The following PTPRN2 variants were observed in gnomAD, a reference collection of about 807,000 sequenced individuals.
PTPRN2 encodes protein tyrosine phosphatase receptor type N2.
PTPRN2 carries 74 observed loss-of-function variants against 118.8 expected under a neutral mutation model. The observed-to-expected ratio is 0.62, with a 90% CI of 0.52 to 0.76. The LOEUF (loss-of-function observed/expected upper bound fraction) is 0.76. Among genes scored for constraint, PTPRN2 ranks in the 30% least tolerant of loss-of-function variants. The pLI is 0.00. For synonymous variants in PTPRN2, 641 were observed against 608.0 expected, an observed-to-expected ratio of 1.05 and a Z score of -0.80; for missense variants, 1,481 against 1,394.4, an observed-to-expected ratio of 1.06 and a Z score of -0.99.
At chr7:157,695,040 T>C (rs71538043) in intron 12 of PTPRN2, among the ~76,000 whole-genome samples, 24,442 of 152,100 alleles carry the variant, frequency 0.16, 2,393 homozygotes, top group Non-Finnish European at 0.22. Context: ...AAATGATTTG[T>C]TGATCCTGCC....
At chr7:158,154,627 T>C (rs186539176) in intron 6 of PTPRN2, among the ~76,000 whole-genome samples, 36 of 152,328 alleles carry the variant, frequency 2.4e-4, no homozygotes, top group African/African-American at 8.4e-4. Flanking sequence ...AGTGGGCCTC[T>C]TAGAATCACT....
At chr7:158,335,372 A>G (rs1239450550) in intron 2 of PTPRN2, among the ~76,000 whole-genome samples, 4 of 15,890 alleles carry the variant, frequency 2.5e-4, no homozygotes, top group Admixed American at 6.3e-4. Flanking sequence ...TCACACCCAT[A>G]CTCTCACCAT....
chr7:158,043,561 AG>A (rs1198852518), intron 11 of PTPRN2, among the ~76,000 whole-genome samples: 2 of 152,252 alleles, frequency 1.3e-5, no homozygotes, highest in Non-Finnish European at 2.9e-5. Flanking sequence ...AAGCTCCTGC[AG>A]GAGAGAATGG....
intron 11 of PTPRN2, among the ~76,000 whole-genome samples, chr7:158,047,514 G>GCCT (rs1166951445): frequency 1.3e-5 from 2 of 152,068 alleles, no homozygotes; most frequent in African/African-American, 4.8e-5. Context: ...AGCATGTGAG[G>GCCT]GCTGCCTGCA....
intron 11 of PTPRN2, among the ~76,000 whole-genome samples, chr7:158,048,560 C>A (rs931144783): frequency 1.3e-5 from 2 of 151,570 alleles, no homozygotes; most frequent in Admixed American, 1.3e-4. Context: ...ACCATCATCA[C>A]CATCACTATC....
At chr7:157,762,511 G>A (rs929891902) in intron 12 of PTPRN2, among the ~76,000 whole-genome samples, 5 of 147,506 alleles carry the variant, frequency 3.4e-5, no homozygotes, top group South Asian at 2.1e-4. Flanking sequence ...ACCGAACACC[G>A]CATATTCTCA....
In PTPRN2 at chr7:157,619,554, C is replaced by T. The variant is rs530747724; in HGVS notation, c.2344+1808G>A. Among the ~76,000 whole-genome samples, 148 of 152,322 alleles carry T rather than the reference C, an allele frequency of 9.7e-4. 1 individual carries two copies. The highest frequency in any genetic ancestry group is 3.5e-3 in the African/African-American group (144 of 41,574). ...GGCTAATGGGATGTATTGTATTTTGCTTTTCTTCTAAATATAAAATTTATA... is the reference window on the plus strand; with the variant it reads ...GGCTAATGGGATGTATTGTATTTTGTTTTTCTTCTAAATATAAAATTTATA... On this transcript the variant is annotated intron_variant, in intron 15 of 22. Coordinates refer to ENST00000389418, the MANE Select transcript of PTPRN2 (RefSeq NM_002847.5). This position sits in a 1 kb window ranked among gnomAD's most constrained non-coding sequence, Gnocchi z 5.3.
chr7:158,425,316 G>A (rs1815637644), intron 2 of PTPRN2, among the ~76,000 whole-genome samples: 1 of 120,890 alleles, frequency 8.3e-6, no homozygotes, highest in Non-Finnish European at 1.7e-5. Flanking sequence ...AAGACCCAGA[G>A]TCCGAGACCA....
intron 21 of PTPRN2, among the ~76,000 whole-genome samples, chr7:157,557,450 ACACT>A (rs1798961055): frequency 6.6e-6 from 1 of 150,964 alleles, no homozygotes; most frequent in African/African-American, 2.4e-5. Flanking sequence ...CCCATATCAC[ACACT>A]CATACACCAC....
intron 4 of PTPRN2, among the ~76,000 whole-genome samples, chr7:158,202,620 G>A (rs1448328798): frequency 1.3e-5 from 2 of 152,134 alleles, no homozygotes; most frequent in African/African-American, 4.8e-5. Context: ...TGGAGGAAAG[G>A]AGTCTGGAGA....
At chr7:158,481,319 T>C (rs1315309234) in intron 2 of PTPRN2, among the ~76,000 whole-genome samples, 1 of 152,232 alleles carries the variant, frequency 6.6e-6, no homozygotes, top group Admixed American at 6.5e-5. Context: ...AAAGATTCCT[T>C]TCAAAATATG....
intron 11 of PTPRN2, among the ~76,000 whole-genome samples, chr7:157,992,529 A>G (rs1412186243): frequency 6.6e-6 from 1 of 152,272 alleles, no homozygotes; most frequent in South Asian, 2.1e-4. Flanking sequence ...TAAGGTTTTA[A>G]TAACACATTA....
chr7:158,137,608 G>A (rs879524550), intron 7 of PTPRN2, among the ~76,000 whole-genome samples: 6 of 152,086 alleles, frequency 3.9e-5, no homozygotes, highest in East Asian at 1.9e-4. Flanking sequence ...AGGCCCTCCC[G>A]GGGTGCAGTT....
intron 1 of PTPRN2, among the ~76,000 whole-genome samples, chr7:158,506,330 C>A (rs796725817): frequency 6.6e-6 from 1 of 152,104 alleles, no homozygotes; most frequent in Non-Finnish European, 1.5e-5. Context: ...GCCAAGGCTG[C>A]GGGCTCCACA....
intron 12 of PTPRN2, among the ~76,000 whole-genome samples, chr7:157,839,797 A>G (rs1380863409): frequency 1.3e-5 from 2 of 149,892 alleles, no homozygotes; most frequent in Non-Finnish European, 3.0e-5. Context: ...CTGTGTGGCC[A>G]TATGTGACTG....
At chr7:158,551,467 G>A (rs1471490757) in intron 1 of PTPRN2, among the ~76,000 whole-genome samples, 3 of 146,570 alleles carry the variant, frequency 2.0e-5, no homozygotes, top group Non-Finnish European at 4.5e-5. Flanking sequence ...ATTGCATCTG[G>A]AGTGGGGCTC....
intron 10 of PTPRN2, among the ~76,000 whole-genome samples, chr7:158,089,635 A>T (rs865910617): frequency 3.9e-4 from 43 of 111,128 alleles, no homozygotes; most frequent in South Asian, 2.1e-3. Context: ...CTTCACACAA[A>T]CCTTCTTCCC....
chr7:158,239,436 G>T (rs73746444), intron 3 of PTPRN2, among the ~76,000 whole-genome samples: 1 of 152,136 alleles, frequency 6.6e-6, no homozygotes, highest in South Asian at 2.1e-4. Flanking sequence ...TCCGTAGCGC[G>T]GCCCCCACCC....
chr7:158,048,876 T>TAAA (rs1809095849), intron 11 of PTPRN2, among the ~76,000 whole-genome samples: 1 of 19,358 alleles, frequency 5.2e-5, no homozygotes, highest in Non-Finnish European at 1.0e-4. Context: ...ACCATCACAT[T>TAAA]ACCACCACCA....
Sources: allele counts gnomAD v4.1 joint callset (sites outside exome capture counted in the v4.1 genomes callset), GRCh38; gene constraint gnomAD v4.1.1; non-coding constraint Gnocchi (gnomAD v3.1); transcripts MANE v1.5; gene names NCBI Gene and HGNC (gene_info 2026-07-23, HGNC 2026-07-21).